Variants in RBFOX1 observed in about 807,000 individuals in gnomAD.
RBFOX1 encodes the protein RNA binding fox-1 homolog 1.
In RBFOX1, 8 loss-of-function variants were observed where a neutral mutation model predicts 57.7. The ratio of observed to expected loss-of-function variants is 0.14; its 90% confidence interval spans 0.08 to 0.25. The LOEUF is 0.25. RBFOX1 is among the 10% of genes least tolerant of loss of function. The pLI, the probability that RBFOX1 is intolerant of heterozygous loss-of-function variation, is 1.00. For missense variants in RBFOX1, 611 were observed against 548.5 expected (o/e 1.11, Z -1.14); for synonymous variants, 326 against 222.4 (o/e 1.47, Z -4.15).
At chr16:5,982,362 C>T (rs8182145) in intron 4 of RBFOX1, among the ~76,000 whole-genome samples, 8,338 of 152,176 alleles carry the variant, frequency 0.055, 440 homozygotes, top group East Asian at 0.28. Flanking sequence ...CAACCTCCGC[C>T]TTCTGGGTTC....
chr16:5,318,475 C>A (rs977523347), intron 1 of RBFOX1, among the ~76,000 whole-genome samples: 2 of 152,188 alleles, frequency 1.3e-5, no homozygotes, highest in African/African-American at 4.8e-5. Flanking sequence ...TTTGCCTTCT[C>A]ATGTTTGCCC....
intron 3 of RBFOX1, among the ~76,000 whole-genome samples, chr16:5,617,539 C>G (rs1469910385): frequency 6.6e-6 from 1 of 152,170 alleles, no homozygotes; most frequent in Non-Finnish European, 1.5e-5. Flanking sequence ...CATTGAAGTC[C>G]AGAAATGCTA....
chr16:7,276,835 C>G (rs1275200255), intron 4 of RBFOX1, among the ~76,000 whole-genome samples: 1 of 152,188 alleles, frequency 6.6e-6, no homozygotes, highest in East Asian at 1.9e-4. Context: ...GGAGGTAATG[C>G]TGCTGCTCAG....
chr16:5,447,629 C>G (rs569561834), intron 1 of RBFOX1, among the ~76,000 whole-genome samples: 2 of 152,330 alleles, frequency 1.3e-5, no homozygotes, highest in South Asian at 2.1e-4. Context: ...AACTCCTGAC[C>G]TTGTGATCTG....
chr16:6,489,269 T>C (rs1478119811), intron 2 of RBFOX1, among the ~76,000 whole-genome samples: 1 of 152,174 alleles, frequency 6.6e-6, no homozygotes, highest in East Asian at 1.9e-4. Flanking sequence ...TTTCCCTCAG[T>C]ATTCAAATGG....
intron 14 of RBFOX1, chr16:7,693,263 A>G (rs1250318519): frequency 6.6e-7 from 1 of 1,517,032 alleles, no homozygotes; most frequent in African/African-American, 1.4e-5. Flanking sequence ...ATTGGCAGAG[A>G]GCACATTTCC....
intron 1 of RBFOX1, among the ~76,000 whole-genome samples, chr16:6,029,511 C>T (rs530503018): frequency 1.3e-3 from 196 of 151,480 alleles, no homozygotes; most frequent in African/African-American, 4.5e-3. Flanking sequence ...TGGTGGCTCA[C>T]GCCTGTAATC....
At chr16:7,702,768 G>A (rs756669114) in intron 14 of RBFOX1, among the ~76,000 whole-genome samples, 27 of 152,142 alleles carry the variant, frequency 1.8e-4, no homozygotes, top group African/African-American at 3.1e-4. Context: ...CAGTTCCTCC[G>A]GATGGGCAAA....
At chr16:6,460,042 T>A (rs2094879359) in intron 2 of RBFOX1, among the ~76,000 whole-genome samples, 1 of 138,566 alleles carries the variant, frequency 7.2e-6, no homozygotes, top group Non-Finnish European at 1.5e-5. Context: ...TTGCTCTTTC[T>A]CATGAATAGC....
chr16:7,449,272 C>T (rs1399302278), intron 4 of RBFOX1, among the ~76,000 whole-genome samples: 1 of 152,112 alleles, frequency 6.6e-6, no homozygotes, highest in Non-Finnish European at 1.5e-5. Flanking sequence ...TCTAGGTGGA[C>T]ATTTTTAAAA....
chr16:5,945,962 G>A (rs1237443064), intron 4 of RBFOX1, among the ~76,000 whole-genome samples: 4 of 152,170 alleles, frequency 2.6e-5, no homozygotes, highest in South Asian at 2.1e-4. Context: ...CTTTCAAGCC[G>A]CTCTGAGTCT....
At position 6,906,938 on chromosome 16, in the gene RBFOX1, G is replaced by A. The variant is rs950583939; in HGVS notation, c.-15-145119G>A. 9.9e-5 allele frequency among the ~76,000 whole-genome samples: 15 copies of A among 152,010 alleles called. 1 individual carries two copies. The highest frequency in any genetic ancestry group is 3.6e-4 in the African/African-American group (15 of 41,394). On this transcript the variant is annotated intron_variant, in intron 3 of 15. Transcript: ENST00000550418. ...GGGGTTTCACCATGTTGGCCAGGCT[G>A]GTCTTGAACTCCTGACCTTAAGTGA...
chr16:6,946,007 T>A (rs2153513595), intron 3 of RBFOX1, among the ~76,000 whole-genome samples: 1 of 152,336 alleles, frequency 6.6e-6, no homozygotes. Context: ...TTCTGGAGCC[T>A]CTGGAGCCCC....
chr16:7,149,456 G>A (rs1601056355), intron 4 of RBFOX1, among the ~76,000 whole-genome samples: 1 of 149,912 alleles, frequency 6.7e-6, no homozygotes, highest in East Asian at 2.0e-4. Flanking sequence ...GCTTCCTGTG[G>A]CTCTTTCTTT....
At chr16:5,245,021 T>C (rs148932778) in intron 1 of RBFOX1, among the ~76,000 whole-genome samples, 51 of 152,314 alleles carry the variant, frequency 3.3e-4, no homozygotes, top group African/African-American at 1.2e-3. Context: ...CTTTGGACCA[T>C]AGGGAAATGT....
chr16:6,733,773 C>G (rs1249897656), intron 3 of RBFOX1, among the ~76,000 whole-genome samples: 2 of 152,102 alleles, frequency 1.3e-5, no homozygotes, highest in African/African-American at 4.8e-5. Flanking sequence ...AAAATTCTGA[C>G]CTCTGAAATC....
At chr16:6,560,610 C>G (rs746217878) in intron 2 of RBFOX1, among the ~76,000 whole-genome samples, 11 of 152,114 alleles carry the variant, frequency 7.2e-5, no homozygotes, top group Non-Finnish European at 1.2e-4. Context: ...CCACTTAGGA[C>G]TTGTAGGCAT....
At chr16:5,942,118 A>G (rs2059292783) in intron 4 of RBFOX1, among the ~76,000 whole-genome samples, 1 of 152,094 alleles carries the variant, frequency 6.6e-6, no homozygotes, top group Non-Finnish European at 1.5e-5. Flanking sequence ...ATGCCCAGGT[A>G]CAGCCAATTT....
At chr16:6,513,128 C>G (rs1019559812) in intron 2 of RBFOX1, among the ~76,000 whole-genome samples, 5 of 152,220 alleles carry the variant, frequency 3.3e-5, no homozygotes, top group African/African-American at 1.2e-4. Flanking sequence ...ACCACCCATT[C>G]TTAAGTGAAA....
Sources: allele counts gnomAD v4.1 joint callset (sites outside exome capture counted in the v4.1 genomes callset), GRCh38; gene constraint gnomAD v4.1.1; transcripts MANE v1.5; gene names NCBI Gene and HGNC (gene_info 2026-07-23, HGNC 2026-07-21).